Variants in RFC5 observed in about 807,000 individuals in gnomAD.
RFC5 encodes replication factor C subunit 5, also known as A1 36 kDa subunit.
A neutral mutation model predicts 44.3 loss-of-function variants in RFC5; 26 were observed. The observed-to-expected ratio is 0.59, with a 90% CI of 0.43 to 0.81. The LOEUF (loss-of-function observed/expected upper bound fraction) is 0.81. RFC5 is among the 40% of genes least tolerant of loss of function. The pLI, the probability that RFC5 is intolerant of heterozygous loss-of-function variation, is 0.00. For synonymous variants in RFC5, 155 were observed against 155.2 expected, an observed-to-expected ratio of 1.00 and a Z score of 0.01; for missense variants, 328 against 418.6, an observed-to-expected ratio of 0.78 and a Z score of 1.89.
At chr12:118,025,094 G>A (rs1367038469) in intron 6 of RFC5, 84 bp downstream of exon 6, 5 of 1,378,728 alleles carry the variant, frequency 3.6e-6, no homozygotes, top group Non-Finnish European at 5.0e-6. Context: ...GTAGAGGAGA[G>A]GAATGTTGGA....
At chr12:118,027,860 C>A in intron 8 of RFC5, 93 bp from the exon 9 acceptor site, 1 of 779,192 alleles carries the variant, frequency 1.3e-6, no homozygotes, top group East Asian at 2.5e-5. Context: ...AAAAGCCTTA[C>A]TTTAAAAAGT....
rs764130412 is a variant in RFC5, at chr12:118,019,656, G to A, written c.155G>A (p.Arg52Gln). Residue 52 changes from arginine (R) to glutamine (Q), a missense_variant, in exon 3 of 11, where the codon CGA becomes CAA. Coordinates refer to ENST00000454402, the MANE Select transcript of RFC5 (RefSeq NM_007370.7). The surrounding 1 kb of genome is among the most constrained non-coding windows in gnomAD (Gnocchi z 4.2). ...GTTCAGAAGTTTATCAATGAAGACC[G>A]ACTGCCACACTTGCTTCTCTACGGT... is the stretch of plus-strand genomic sequence containing the variant. The part of the protein sequence containing the change: ...STIQKFINED[R>Q]LPHLLLYGPP... 1.2e-5 allele frequency: 19 copies of A among 1,613,880 alleles called. No individual in the cohort carries two copies. The highest frequency in any genetic ancestry group is 9.3e-5 in the African/African-American group (7 of 74,906).
intron 1 of RFC5, chr12:118,017,770 A>T: frequency 1.5e-6 from 1 of 656,402 alleles, no homozygotes; most frequent in Middle Eastern, 2.4e-4. Context: ...ATTGGGGTTC[A>T]AGCCATTCTC....
intron 8 of RFC5, 63 bp downstream of exon 8, chr12:118,027,081 C>T: frequency 6.5e-7 from 1 of 1,536,528 alleles, no homozygotes; most frequent in South Asian, 1.2e-5. Context: ...GTTCAGGTTG[C>T]AGCCAGCACC....
chr12:118,017,940 C>A, intron 1 of RFC5: 1 of 682,400 alleles, frequency 1.5e-6, no homozygotes, highest in South Asian at 1.6e-5. Context: ...TTCATCACCC[C>A]AAATGGAAAT....
intron 7 of RFC5, among the ~76,000 whole-genome samples, chr12:118,026,291 T>C (rs1038176882): frequency 2.6e-5 from 4 of 152,220 alleles, no homozygotes; most frequent in African/African-American, 9.6e-5. Context: ...CACTTTGTAT[T>C]TTGATTAATT....
At chr12:118,036,988 C>T (rs1489592028), downstream of RFC5, among the ~76,000 whole-genome samples, 1 of 152,072 alleles carries the variant, frequency 6.6e-6, no homozygotes, top group Non-Finnish European at 1.5e-5. Flanking sequence ...TCAAGACCAG[C>T]TTGGTCAACA....
Position 118,031,350 on chromosome 12 carries a change from A to C in RFC5, c.*72A>C. The C allele has an allele frequency of 9.7e-7, 1 of 1,030,670 alleles. No individual in the cohort carries two copies. Among genetic ancestry groups the C allele is most frequent in the African/African-American group, 1.6e-5 (1 of 62,692 alleles). The allele number at this position is 1,030,670 out of a possible 1,614,324, so 63.8% of individuals were successfully genotyped here. A position where few individuals can be genotyped will look rare whatever the true frequency, so the allele number is the denominator to read the frequency against. ...AGAACAGAGGACAGTTCCAGGATAA[A>C]CTGCTGCCTGGGGCTGTGGGATGAA... On this transcript the variant is annotated 3_prime_UTR_variant, in exon 11 of 11. Transcript: ENST00000454402.
At chr12:118,022,198 C>T (rs1395501411) in intron 4 of RFC5, 88 bp from the exon 5 acceptor site, 10 of 1,062,766 alleles carry the variant, frequency 9.4e-6, no homozygotes, top group Middle Eastern at 2.0e-4. Flanking sequence ...AGACAGGGCC[C>T]GATGGCACAA....
intron 1 of RFC5, chr12:118,018,108 A>C: frequency 1.5e-6 from 1 of 670,814 alleles, no homozygotes; most frequent in Non-Finnish European, 2.7e-6. Flanking sequence ...TTCACTCAGG[A>C]TCATGTTTTC....
rs368790413 is a variant in RFC5 at position 118,020,988 on chromosome 12, A to G, written c.347+3A>G. The G allele has an allele frequency of 1.5e-5, 24 of 1,586,516 alleles. No homozygotes were observed. The highest frequency in any genetic ancestry group is 2.0e-5 in the Non-Finnish European group (23 of 1,156,142). On this transcript the variant is annotated splice_donor_region_variant and intron_variant, in intron 4 of 10. Coordinates refer to ENST00000454402, the MANE Select transcript of RFC5 (RefSeq NM_007370.7). ...GCTAGCACAAGGACAATATTTAAGT[A>G]AGAATTATTTGTGTAATTTCGCTCC...
chr12:118,034,850 G>C (rs1386116314), downstream of RFC5: 1 of 747,662 alleles, frequency 1.3e-6, no homozygotes. Context: ...TCGATCATTT[G>C]AGTTTTATAT....
chr12:118,025,201 C>A, intron 6 of RFC5, 191 bp downstream of exon 6: 1 of 480,726 alleles, frequency 2.1e-6, no homozygotes. Context: ...TCATAAAAGT[C>A]ATTTGGTACT....
the RFC5 span, among the ~76,000 whole-genome samples, chr12:118,039,389 G>A: frequency 2.0e-5 from 3 of 152,194 alleles, no homozygotes; most frequent in Non-Finnish European, 4.4e-5. Flanking sequence ...GATTTTCCAT[G>A]GGGTACCTAC....
At position 118,022,379 on chromosome 12, in the gene RFC5, A is replaced by G; in HGVS notation, c.421+20A>G. On this transcript the variant is annotated intron_variant, in intron 5 of 10. Transcript: ENST00000454402. ...GAAGAGGTAAGCAGAGGCACTGTGG[A>G]GCGTTTGGGCTGGTGTGCACACTGG... is the stretch of plus-strand genomic sequence containing the variant. 6.4e-7 allele frequency: 1 copy of G among 1,573,416 alleles called. No individual in the cohort carries two copies. Among genetic ancestry groups the G allele is most frequent in the Non-Finnish European group, 8.7e-7 (1 of 1,142,910 alleles).
At chr12:118,027,090 C>T (rs2030999976) in intron 8 of RFC5, 72 bp downstream of exon 8, 1 of 1,478,570 alleles carries the variant, frequency 6.8e-7, no homozygotes, top group Non-Finnish European at 9.2e-7. Flanking sequence ...GCAGCCAGCA[C>T]CCACACCTTG....
At chr12:118,037,300 TG>T (rs1243112436), downstream of RFC5, among the ~76,000 whole-genome samples, 5 of 152,224 alleles carry the variant, frequency 3.3e-5, no homozygotes, top group African/African-American at 1.2e-4. Flanking sequence ...GTCCCAAGAC[TG>T]GGCCTCTGAC....
chr12:118,035,305 C>T (rs781441613), downstream of RFC5: 46 of 1,613,974 alleles, frequency 2.9e-5, no homozygotes, highest in East Asian at 2.2e-5. Context: ...TCATCCATGG[C>T]GGGGTCAACC....
chr12:118,036,420 A>C (rs1453992370), downstream of RFC5: 1 of 1,614,220 alleles, frequency 6.2e-7, no homozygotes. Flanking sequence ...AGCAGGGCAG[A>C]GTCGGGGGAG....
Sources: allele counts gnomAD v4.1 joint callset (sites outside exome capture counted in the v4.1 genomes callset), GRCh38; gene constraint gnomAD v4.1.1; non-coding constraint Gnocchi (gnomAD v3.1); transcripts MANE v1.5; gene names NCBI Gene and HGNC (gene_info 2026-07-23, HGNC 2026-07-21).